CCNK: variants seen among roughly 807,000 people sequenced by gnomAD.
CCNK encodes cyclin K, also known as cyclin-K.
A neutral mutation model predicts 65.0 loss-of-function variants in CCNK; 9 were observed. That is an observed-to-expected ratio of 0.14 (90% CI 0.08 to 0.24). CCNK has a LOEUF of 0.24. Among genes scored for constraint, CCNK ranks in the 10% least tolerant of loss-of-function variants. CCNK has a pLI of 1.00. For missense variants in CCNK, 474 were observed against 720.0 expected (o/e 0.66, Z 3.91); for synonymous variants, 279 against 270.8 (o/e 1.03, Z -0.30).
chr14:99,483,004 A>T (rs932889615), intron 1 of CCNK, among the ~76,000 whole-genome samples: 1 of 152,254 alleles, frequency 6.6e-6, no homozygotes, highest in Non-Finnish European at 1.5e-5. Flanking sequence ...GGTAAATTGT[A>T]TACCAGAGTA....
chr14:99,503,515 C>G (rs1896893505), intron 8 of CCNK, 96 bp from the exon 9 acceptor site: 2 of 1,057,608 alleles, frequency 1.9e-6, no homozygotes, highest in African/African-American at 1.6e-5. Flanking sequence ...TTCACAGTGA[C>G]TGCCGTCGCT....
chr14:99,507,386 G>C (rs1233828270), intron 10 of CCNK: 5 of 505,080 alleles, frequency 9.9e-6, no homozygotes, highest in Non-Finnish European at 1.4e-5. Context: ...AGGTCAGCCT[G>C]GGCAACAAAG....
Position 99,511,005 on chromosome 14 carries a change from T to C in CCNK, c.*223T>C. On this transcript the variant is annotated 3_prime_UTR_variant, in exon 11 of 11. Transcript: ENST00000389879. ...CTCATCAGTGCCCTTGCAGTCTGAC[T>C]GTGTACACTTGGTTCAGCTAATGTC... 1 of 375,508 alleles carries C rather than the reference T, an allele frequency of 2.7e-6. No homozygotes were observed. The allele number at this position is 375,508 out of a possible 1,614,324, so 23.3% of individuals were successfully genotyped here.
intron 9 of CCNK, 115 bp from the exon 10 acceptor site, chr14:99,506,961 G>T (rs1448028888): frequency 2.6e-6 from 2 of 766,802 alleles, no homozygotes; most frequent in African/African-American, 3.4e-5. Flanking sequence ...TTAAAGCCTT[G>T]GTCATCTCTG....
chr14:99,503,977 C>A, intron 9 of CCNK: 1 of 357,484 alleles, frequency 2.8e-6, no homozygotes. Flanking sequence ...AGCAGGAGTC[C>A]TCTCCCAAGC....
chr14:99,483,937 A>T (rs10144895), intron 1 of CCNK, among the ~76,000 whole-genome samples: 2 of 152,188 alleles, frequency 1.3e-5, no homozygotes, highest in South Asian at 4.1e-4. Flanking sequence ...ATAATGAGCA[A>T]ATTAGATGAC....
rs751012933 is a variant in CCNK, at chr14:99,502,947, C to T, written c.974C>T (p.Pro325Leu). The part of the protein sequence containing the change: ...QPAQQPKKPS[P>L]QPSSPRQVKR... The stretch of plus-strand genomic sequence containing the variant: ...GCCCAACAGCCCAAGAAACCCTCTC[C>T]GCAGCCCAGTTCTCCCCGACAGGTT... Residue 325 changes from proline (P) to leucine (L), a missense_variant, in exon 8 of 11, where the codon CCG becomes CTG. By Grantham distance (98) the Pro-to-Leu change is moderately conservative. This residue lies in a region of CCNK where 229 missense variants were observed against 275.5 expected (regional missense o/e 0.83). Transcript: ENST00000389879. The T allele has an allele frequency of 5.0e-6, 8 of 1,613,858 alleles. No individual in the cohort carries two copies. The highest frequency in any genetic ancestry group is 6.8e-6 in the Non-Finnish European group (8 of 1,179,898).
At chr14:99,509,662 TG>T (rs1897071016) in intron 10 of CCNK, 2 of 168,428 alleles carry the variant, frequency 1.2e-5, no homozygotes, top group Non-Finnish European at 2.6e-5. Flanking sequence ...GCTGCTTCGA[TG>T]GGTACACCGG....
intron 2 of CCNK, chr14:99,493,209 C>G: frequency 2.4e-6 from 1 of 424,392 alleles, no homozygotes. Flanking sequence ...TCGAGACCAA[C>G]CTGGGCTGCA....
chr14:99,483,843 C>T (rs998780464), intron 1 of CCNK, among the ~76,000 whole-genome samples: 5 of 152,196 alleles, frequency 3.3e-5, no homozygotes, highest in African/African-American at 1.2e-4. Context: ...TGCCCTTACT[C>T]GGATTAACAC....
intron 10 of CCNK, chr14:99,507,673 A>C (rs1033659281): frequency 1.3e-5 from 2 of 155,204 alleles, no homozygotes; most frequent in Non-Finnish European, 2.9e-5. Flanking sequence ...ATTGTATTAG[A>C]ATCAGTTTTA....
intron 1 of CCNK, among the ~76,000 whole-genome samples, chr14:99,485,323 C>T (rs987929973): frequency 2.0e-5 from 3 of 152,160 alleles, no homozygotes; most frequent in African/African-American, 4.8e-5. Flanking sequence ...CACTGTTCCC[C>T]GTTCTGCCCC....
At chr14:99,485,469 G>C (rs1055250163) in intron 1 of CCNK, among the ~76,000 whole-genome samples, 1 of 152,138 alleles carries the variant, frequency 6.6e-6, no homozygotes, top group Non-Finnish European at 1.5e-5. Flanking sequence ...CATTCTCAGG[G>C]GAAGAAAGAG....
chr14:99,498,375 C>G (rs1185476090), intron 4 of CCNK, among the ~76,000 whole-genome samples: 3 of 152,148 alleles, frequency 2.0e-5, no homozygotes, highest in Non-Finnish European at 4.4e-5. Context: ...CTCGCGCAGT[C>G]TTCCCTGGTC....
intron 1 of CCNK, among the ~76,000 whole-genome samples, chr14:99,490,535 A>G (rs1896575792): frequency 6.6e-6 from 1 of 152,214 alleles, no homozygotes; most frequent in Admixed American, 6.5e-5. Flanking sequence ...CTGTATAAAA[A>G]GATATATACA....
intron 1 of CCNK, chr14:99,481,735 T>TG (rs1156865408): frequency 2.7e-6 from 1 of 368,300 alleles, no homozygotes; most frequent in Non-Finnish European, 4.8e-6. Flanking sequence ...GCCCTCGCAC[T>TG]GGGGGGCAGT....
rs187999821 is a variant in CCNK at position 99,488,085 on chromosome 14, G to C, written c.-52-4541G>C. 2.9e-3 allele frequency among the ~76,000 whole-genome samples: 446 copies of C among 152,198 alleles called. 2 individuals are homozygous for C. Among genetic ancestry groups the C allele is most frequent in the Middle Eastern group, 0.014 (4 of 294 alleles). Reference sequence around the variant, plus strand: ...TTTTAGCTGAACCATTTGAAAGTAGGTTGCAGACATCATGACACTTTACCC... The same window carrying C: ...TTTTAGCTGAACCATTTGAAAGTAGCTTGCAGACATCATGACACTTTACCC... On this transcript the variant is annotated intron_variant, in intron 1 of 10. Transcript: ENST00000389879.
intron 1 of CCNK, among the ~76,000 whole-genome samples, chr14:99,488,698 A>G (rs1217767006): frequency 6.6e-6 from 1 of 152,198 alleles, no homozygotes; most frequent in Non-Finnish European, 1.5e-5. Flanking sequence ...TACAGTAGTT[A>G]ATATCCATGC....
chr14:99,496,154 G>A (rs747818177), intron 4 of CCNK, among the ~76,000 whole-genome samples: 10 of 152,248 alleles, frequency 6.6e-5, no homozygotes, highest in Non-Finnish European at 1.5e-4. Flanking sequence ...TCAGCAAGTG[G>A]TGCTCAAATA....
Sources: allele counts gnomAD v4.1 joint callset (sites outside exome capture counted in the v4.1 genomes callset), GRCh38; gene constraint gnomAD v4.1.1; regional missense constraint gnomAD v4.1.1; transcripts MANE v1.5; gene names NCBI Gene and HGNC (gene_info 2026-07-23, HGNC 2026-07-21).